The following PLEKHG4B variants were observed in gnomAD, a reference collection of about 807,000 sequenced individuals.
PLEKHG4B encodes pleckstrin homology domain-containing family G member 4B.
Under a neutral mutation model 121.3 loss-of-function variants are expected in PLEKHG4B, and 111 were observed. The observed-to-expected ratio is 0.92, with a 90% confidence interval of 0.78 to 1.07. PLEKHG4B has a LOEUF of 1.07. PLEKHG4B is among the 50% of genes least tolerant of loss of function. PLEKHG4B has a pLI of 0.00. For synonymous variants in PLEKHG4B, 738 were observed against 725.0 expected, an observed-to-expected ratio of 1.02 and a Z score of -0.29; for missense variants, 1,831 against 1,757.8, an observed-to-expected ratio of 1.04 and a Z score of -0.74.
At chr5:178,165 C>A (rs1012112596) in intron 18 of PLEKHG4B, among the ~76,000 whole-genome samples, 2 of 152,236 alleles carry the variant, frequency 1.3e-5, no homozygotes, top group African/African-American at 4.8e-5. Context: ...TCTTAATGCA[C>A]AAAGTTGCTT....
Position 126,792 on chromosome 5 carries a change from C to T in PLEKHG4B, c.244-12691C>T, listed in dbSNP as rs1231680605. On this transcript the variant is annotated intron_variant, in intron 2 of 19. Transcript: ENST00000637938. ...AGTTTAGGAGTGGAGGTTTAATAGGCAAAAGAAAGAGAAAGGAGAAGAACT... is the reference window on the plus strand; with the variant it reads ...AGTTTAGGAGTGGAGGTTTAATAGGTAAAAGAAAGAGAAAGGAGAAGAACT... Among the ~76,000 whole-genome samples, 3 of 152,062 alleles carry T rather than the reference C, an allele frequency of 2.0e-5. No individual in the cohort carries two copies. The South Asian group carries it at 6.2e-4, about 32-fold the overall frequency.
chr5:180,825 A>G (rs1224475156), intron 18 of PLEKHG4B, among the ~76,000 whole-genome samples: 3 of 152,102 alleles, frequency 2.0e-5, no homozygotes, highest in South Asian at 2.1e-4. Flanking sequence ...AAGAGGGGAC[A>G]CTCGCTCTTG....
Position 147,139 on chromosome 5 carries a change from C to T in PLEKHG4B, c.1905+2219C>T, listed in dbSNP as rs145311340. 7.2e-5 allele frequency among the ~76,000 whole-genome samples: 11 copies of T among 152,294 alleles called. No homozygotes were observed. In the East Asian group the frequency reaches 2.1e-3, roughly 29 times the overall value. ...ACTCCCTGAGGTCAGGAAGGAGTCACTGGGAGGAGAGAGCACAGGCCGAGG... is the reference window on the plus strand; with the variant it reads ...ACTCCCTGAGGTCAGGAAGGAGTCATTGGGAGGAGAGAGCACAGGCCGAGG... On this transcript the variant is annotated intron_variant, in intron 6 of 19. Transcript: ENST00000637938.
intron 1 of PLEKHG4B, among the ~76,000 whole-genome samples, chr5:96,535 C>T (rs1733631700): frequency 6.6e-6 from 1 of 152,176 alleles, no homozygotes; most frequent in Non-Finnish European, 1.5e-5. Flanking sequence ...AATTATTAGG[C>T]AGTGAACCCT....
At position 171,253 on chromosome 5, in the gene PLEKHG4B, T is replaced by A. The variant is rs540248820; in HGVS notation, c.3859T>A (p.Ser1287Thr). The part of the protein sequence containing the change: ...RELGDKMDLA[S>T]YLLRPVQRVA... ...GCTAGGTGACAAAATGGACCTGGCC[T>A]CCTACCTGCTGCGGCCCGTGCAGCG... The change falls in exon 16 of 20, where the codon TCC (serine) becomes ACC (threonine). Residue 1287 changes from serine (S) to threonine (T), a missense_variant. Transcript: ENST00000637938. 1.2e-6 allele frequency: 2 copies of A among 1,608,850 alleles called. No homozygotes were observed. Among genetic ancestry groups the A allele is most frequent in the South Asian group, 1.1e-5 (1 of 90,678 alleles).
intron 1 of PLEKHG4B, among the ~76,000 whole-genome samples, chr5:109,338 A>C (rs1734067068): frequency 6.8e-6 from 1 of 147,640 alleles, no homozygotes; most frequent in Admixed American, 6.8e-5. Flanking sequence ...TGGAGGTTGC[A>C]GTGAGCCTAG....
At position 157,476 on chromosome 5, in the gene PLEKHG4B, C is replaced by A. The variant is rs528369240; in HGVS notation, c.2487+565C>A. Among the ~76,000 whole-genome samples, 1 of 152,128 alleles carries A rather than the reference C, an allele frequency of 6.6e-6. No individual in the cohort carries two copies. Among genetic ancestry groups the A allele is most frequent in the Non-Finnish European group, 1.5e-5 (1 of 68,034 alleles). ...ATGGCATTGGTGGGGGTTGGCCACA[C>A]GCTGCTGGACTACAGGGTGTGAGTT... On this transcript the variant is annotated intron_variant, in intron 11 of 19. Transcript: ENST00000637938. This position sits in a 1 kb window ranked among gnomAD's most constrained non-coding sequence, Gnocchi z 4.6.
chr5:138,567 G>A (rs998057501), intron 2 of PLEKHG4B, among the ~76,000 whole-genome samples: 1 of 152,228 alleles, frequency 6.6e-6, no homozygotes, highest in Non-Finnish European at 1.5e-5. Context: ...ATTCTGGAAA[G>A]CTGGGGTTGT....
At chr5:118,855 CTTTT>C (rs35448860) in intron 2 of PLEKHG4B, among the ~76,000 whole-genome samples, 2 of 139,758 alleles carry the variant, frequency 1.4e-5, no homozygotes, top group African/African-American at 2.7e-5. Context: ...CCTCCTCCTT[CTTTT>C]TTTTTTTTTG....
rs1292349013 is a variant in PLEKHG4B, at chr5:173,924, G to A, written c.4228G>A (p.Glu1410Lys). 9.9e-6 allele frequency: 16 copies of A among 1,613,310 alleles called. No homozygotes were observed. Among genetic ancestry groups the A allele is most frequent in the East Asian group, 2.2e-5 (1 of 44,842 alleles). ...YLYKQSFKTA[E>K]IGMTENVGDS... ...GGGTGTTTGCTGACTGCAGACGGCC[G>A]AGATCGGGATGACAGAGAACGTCGG... The change falls in exon 18 of 20, where the codon GAG (glutamate) becomes AAG (lysine). Residue 1410 changes from glutamate to lysine, a missense_variant. Glu to Lys is a moderately conservative substitution (Grantham distance 56). Transcript: ENST00000637938.
intron 18 of PLEKHG4B, 109 bp from the exon 19 acceptor site, chr5:181,384 GTGGGGCAGGGTGGGTATACCC>G: frequency 1.1e-6 from 1 of 944,066 alleles, no homozygotes; most frequent in Non-Finnish European, 1.5e-6. Context: ...CATGCCCCTC[GTGGGGCAGGGTGGGTATACCC>G]TGTACACCCT....
In PLEKHG4B at chr5:154,986, C is replaced by G. The variant is rs369419121; in HGVS notation, c.2104C>G (p.Arg702Gly). Residue 702 changes from arginine (R) to glycine (G), a missense_variant, in exon 8 of 20, where the codon CGT (arginine) becomes GGT (glycine). Coordinates refer to ENST00000637938, the MANE Select transcript of PLEKHG4B (RefSeq NM_052909.5). ...CAGCCATGGTGACTGGATCTGCTTC[C>G]GTCAGGTAGGTTCAGCCTGCAGCTG... Reference protein sequence around the residue: ...PYSHGDWICFRQRLEHFAANC... With the variant: ...PYSHGDWICFGQRLEHFAANC... 11 of 1,611,356 alleles carry G rather than the reference C, an allele frequency of 6.8e-6. 1 individual carries two copies. The Admixed American group carries it at 1.8e-4, about 27-fold the overall frequency.
Position 99,105 on chromosome 5 carries a change from G to A in PLEKHG4B, c.45+6829G>A, listed in dbSNP as rs1376987298. 3.5e-5 allele frequency among the ~76,000 whole-genome samples: 5 copies of A among 143,098 alleles called. No homozygotes were observed. In the East Asian group the frequency reaches 6.2e-4, roughly 18 times the overall value. The allele number at this position is 143,098 out of a possible 152,430, so 93.9% of individuals were successfully genotyped here. A position where few individuals can be genotyped will look rare whatever the true frequency, so the allele number is the denominator to read the frequency against. ...TGGGAGGCGGAGGTTGCAGTGAGCC[G>A]AGATCGCGCCATTGCACTCTAGCCC... On this transcript the variant is annotated intron_variant, in intron 1 of 19. Coordinates refer to ENST00000637938, the MANE Select transcript of PLEKHG4B (RefSeq NM_052909.5).
chr5:121,274 T>G (rs1193512077), intron 2 of PLEKHG4B, among the ~76,000 whole-genome samples: 1 of 150,080 alleles, frequency 6.7e-6, no homozygotes, highest in Non-Finnish European at 1.5e-5. Context: ...AAAATGGAAA[T>G]CTCCAAACTA....
rs1733628177 is a variant in PLEKHG4B, at chr5:186,390, A to G, written c.*4067A>G. On this transcript the variant is annotated 3_prime_UTR_variant, in exon 20 of 20. Transcript: ENST00000637938. Reference sequence around the variant, plus strand: ...CGAAGGTTTCATTTAGATGGCGAACACGTGTTCTCATTTCTCCAGGGTTCT... The same window carrying G: ...CGAAGGTTTCATTTAGATGGCGAACGCGTGTTCTCATTTCTCCAGGGTTCT... 6.6e-6 allele frequency: 1 copy of G among 152,272 alleles called. No individual in the cohort carries two copies. The highest frequency in any genetic ancestry group is 6.5e-5 in the Admixed American group (1 of 15,288). 9.4% of individuals were successfully genotyped at this position (152,272 alleles called of 1,614,324 possible). A position where few individuals can be genotyped will look rare whatever the true frequency, so the allele number is the denominator to read the frequency against.
chr5:114,974 A>G (rs1221470759), intron 2 of PLEKHG4B, among the ~76,000 whole-genome samples: 7 of 152,216 alleles, frequency 4.6e-5, no homozygotes, highest in Non-Finnish European at 8.8e-5. Context: ...ACCTCCTCTC[A>G]TGAATCTTAA....
chr5:181,286 CT>C (rs1736925847), intron 18 of PLEKHG4B, among the ~76,000 whole-genome samples: 1 of 152,184 alleles, frequency 6.6e-6, no homozygotes, highest in African/African-American at 2.4e-5. Flanking sequence ...TCATGGCTTC[CT>C]TTTTCTTGGT....
At position 182,158 on chromosome 5, in the gene PLEKHG4B, C is replaced by G; in HGVS notation, c.4719C>G (p.Ser1573Arg). 1 of 1,613,988 alleles carries G rather than the reference C, an allele frequency of 6.2e-7. No individual in the cohort carries two copies. Among genetic ancestry groups the G allele is most frequent in the East Asian group, 2.2e-5 (1 of 44,886 alleles). The change falls in exon 20 of 20, where the codon AGC (serine) becomes AGG (arginine). Residue 1573 changes from serine to arginine, a missense_variant. Ser to Arg is a moderately radical substitution (Grantham distance 110, BLOSUM62 -1). Transcript: ENST00000637938. ...LGSLGLLVSS[S>R]PAHPGLWSPA... ...CGCTGGGCCTGCTTGTGTCCTCCAGCCCAGCCCACCCGGGCCTATGGAGCC... is the reference window on the plus strand; with the variant it reads ...CGCTGGGCCTGCTTGTGTCCTCCAGGCCAGCCCACCCGGGCCTATGGAGCC...
chr5:181,736 G>A (rs1733388875), intron 19 of PLEKHG4B, 61 bp downstream of exon 19: 3 of 1,567,814 alleles, frequency 1.9e-6, no homozygotes, highest in Admixed American at 1.8e-5. Context: ...TGTCATCAAG[G>A]GCATGGGTAC....
Sources: gnomAD v4.1 joint callset for allele counts (sites outside exome capture counted in the v4.1 genomes callset) on GRCh38, gnomAD v4.1.1 for gene constraint, Gnocchi (gnomAD v3.1) non-coding constraint, MANE v1.5 for transcripts, NCBI Gene and HGNC (gene_info 2026-07-23, HGNC 2026-07-21) for gene names.